Variants in DSCAM observed in about 807,000 individuals in gnomAD.
DSCAM encodes the protein DS cell adhesion molecule, also known as cell adhesion molecule DSCAM.
In DSCAM, 47 loss-of-function variants were observed where a neutral mutation model predicts 217.7. The observed-to-expected ratio is 0.22, with a 90% CI of 0.17 to 0.28. DSCAM has a LOEUF of 0.28. Among genes scored for constraint, DSCAM ranks in the 10% least tolerant of loss-of-function variants. The probability of loss-of-function intolerance (pLI) is 1.00; values close to 1 mark genes in which losing one functional copy is unlikely to be tolerated. For missense variants in DSCAM, 2,080 were observed against 2,618.3 expected (o/e 0.79, Z 4.49); for synonymous variants, 1,056 against 1,015.3 (o/e 1.04, Z -0.76).
chr21:40,461,173 A>T (rs1214443655), intron 3 of DSCAM, among the ~76,000 whole-genome samples: 1 of 152,228 alleles, frequency 6.6e-6, no homozygotes, highest in African/African-American at 2.4e-5. Flanking sequence ...ATACTTTACC[A>T]CTTCTGCAAA....
intron 3 of DSCAM, among the ~76,000 whole-genome samples, chr21:40,376,815 T>C (rs2074968610): frequency 6.6e-6 from 1 of 151,548 alleles, no homozygotes; most frequent in African/African-American, 2.4e-5. Context: ...AATATGCACA[T>C]GTTGAAAGCT....
intron 1 of DSCAM, among the ~76,000 whole-genome samples, chr21:40,807,421 T>C (rs2091797784): frequency 6.6e-6 from 1 of 152,038 alleles, no homozygotes; most frequent in Non-Finnish European, 1.5e-5. Flanking sequence ...ATCAGCCAAA[T>C]TGCAGGTTCA....
chr21:40,299,919 C>A (rs1307790142), intron 9 of DSCAM, among the ~76,000 whole-genome samples: 2 of 152,080 alleles, frequency 1.3e-5, no homozygotes, highest in Non-Finnish European at 2.9e-5. Flanking sequence ...AATCAGGAGC[C>A]CCCACAAGGA....
In DSCAM at chr21:40,052,013, C is replaced by T. The variant is rs527926618; in HGVS notation, c.5130G>A (p.Ser1710=). 2.9e-5 allele frequency: 47 copies of T among 1,613,974 alleles called. 1 individual carries two copies. Among genetic ancestry groups the T allele is most frequent in the Middle Eastern group, 3.3e-4 (2 of 6,060 alleles). ...LTVTHTVHYQ[S]VSQATGPLVD... ...CTAAGGGCCCAGTGGCCTGAGACAC[C>T]GATTGGTAATGGACCGTGTGAGTGA... Residue 1710 remains serine (S), a synonymous_variant, in exon 30 of 33, where the codon TCG becomes TCA. Coordinates refer to ENST00000400454, the MANE Select transcript of DSCAM (RefSeq NM_001389.5).
chr21:40,286,856 G>A (rs562991601), intron 10 of DSCAM, among the ~76,000 whole-genome samples: 1 of 72,892 alleles, frequency 1.4e-5, no homozygotes, highest in Non-Finnish European at 2.8e-5. Context: ...GCAGGTATCT[G>A]CAGTGTGATC....
Position 40,044,267 on chromosome 21 carries a change from T to G in DSCAM, c.5194A>C (p.Thr1732Pro). 6.2e-7 allele frequency: 1 copy of G among 1,613,774 alleles called. No homozygotes were observed. Among genetic ancestry groups the G allele is most frequent in the Non-Finnish European group, 8.5e-7 (1 of 1,179,854 alleles). ...SDARPGTNPT[T>P]RRNAKAGPTA... ...GGCCCAGCCTTGGCATTCCTCCTGGTGGTGGGATCTGTGAAGAGCCAAGAA... is the reference window on the plus strand; with the variant it reads ...GGCCCAGCCTTGGCATTCCTCCTGGGGGTGGGATCTGTGAAGAGCCAAGAA... Residue 1732 changes from threonine (T) to proline (P), a missense_variant, in exon 31 of 33, where the codon ACC becomes CCC. By Grantham distance (38) the Thr-to-Pro change is conservative. Around this residue, in one of 5 missense-constraint regions of DSCAM, gnomAD observed 1,144 missense variants for 1,421.1 expected, o/e 0.81. Transcript: ENST00000400454.
chr21:40,142,729 T>C (rs779741338), intron 17 of DSCAM, 25 bp from the exon 18 acceptor site: 6 of 1,607,246 alleles, frequency 3.7e-6, no homozygotes, highest in Admixed American at 1.7e-5. Context: ...TTAGAATCTG[T>C]AATAACTGTG....
chr21:40,495,944 A>G (rs893595228), intron 3 of DSCAM, among the ~76,000 whole-genome samples: 36 of 152,210 alleles, frequency 2.4e-4, no homozygotes, highest in African/African-American at 7.5e-4. Context: ...CTGCCAAAAA[A>G]TAGTAAAATA....
intron 3 of DSCAM, among the ~76,000 whole-genome samples, chr21:40,488,905 A>C (rs1601684195): frequency 6.6e-6 from 1 of 152,224 alleles, no homozygotes; most frequent in Non-Finnish European, 1.5e-5. Context: ...GAATTCACAG[A>C]GATTCTGCAG....
chr21:40,095,772 T>C (rs1473520281), intron 20 of DSCAM, among the ~76,000 whole-genome samples: 1 of 152,164 alleles, frequency 6.6e-6, no homozygotes, highest in Non-Finnish European at 1.5e-5. Context: ...CACCCATAAT[T>C]GGCACAGACA....
intron 9 of DSCAM, among the ~76,000 whole-genome samples, chr21:40,300,898 C>G (rs1024134650): frequency 6.6e-6 from 1 of 152,220 alleles, no homozygotes; most frequent in African/African-American, 2.4e-5. Context: ...GACCACACTT[C>G]AAGAACCACT....
intron 14 of DSCAM, among the ~76,000 whole-genome samples, chr21:40,185,265 G>A (rs1273554264): frequency 1.3e-5 from 2 of 152,218 alleles, no homozygotes; most frequent in East Asian, 1.9e-4. Context: ...TCAGGGAAGG[G>A]AGGACTCCAG....
intron 14 of DSCAM, among the ~76,000 whole-genome samples, chr21:40,180,790 C>T (rs2090790480): frequency 6.6e-6 from 1 of 151,956 alleles, no homozygotes; most frequent in African/African-American, 2.4e-5. Context: ...TGGCAGGCAG[C>T]CTGGAGAGGC....
At chr21:40,242,149 GTTT>G (rs376344223) in intron 11 of DSCAM, among the ~76,000 whole-genome samples, 32 of 143,862 alleles carry the variant, frequency 2.2e-4, no homozygotes, top group African/African-American at 7.0e-4. Context: ...GAACCTAAAA[GTTT>G]TTTTTTTTTT....
At chr21:40,160,802 A>C (rs2090532131) in intron 16 of DSCAM, among the ~76,000 whole-genome samples, 1 of 152,226 alleles carries the variant, frequency 6.6e-6, no homozygotes, top group East Asian at 1.9e-4. Context: ...TTATACAAAA[A>C]ATCAAAGTGC....
At chr21:40,567,661 C>T (rs1004126150) in intron 3 of DSCAM, among the ~76,000 whole-genome samples, 1 of 152,218 alleles carries the variant, frequency 6.6e-6, no homozygotes, top group Non-Finnish European at 1.5e-5. Flanking sequence ...AATGGACTTA[C>T]TCATCAGGCC....
chr21:40,284,430 C>T (rs2073800928), intron 10 of DSCAM, among the ~76,000 whole-genome samples: 1 of 152,184 alleles, frequency 6.6e-6, no homozygotes, highest in African/African-American at 2.4e-5. Flanking sequence ...CTAAACTCTG[C>T]CCTAAATTGC....
chr21:40,121,095 T>C (rs1218995655), intron 20 of DSCAM, among the ~76,000 whole-genome samples: 8 of 152,186 alleles, frequency 5.3e-5, no homozygotes, highest in Non-Finnish European at 1.2e-4. Flanking sequence ...AATTCAGATT[T>C]ATGAGCAAGG....
At chr21:40,038,897 C>A (rs1234752700) in intron 32 of DSCAM, among the ~76,000 whole-genome samples, 1 of 151,020 alleles carries the variant, frequency 6.6e-6, no homozygotes, top group Non-Finnish European at 1.5e-5. Context: ...AATCATCATT[C>A]TCAGTAAACT....
Sources: gnomAD v4.1 joint callset for allele counts (sites outside exome capture counted in the v4.1 genomes callset) on GRCh38, gnomAD v4.1.1 for gene constraint, gnomAD v4.1.1 regional missense constraint, MANE v1.5 for transcripts, NCBI Gene and HGNC (gene_info 2026-07-23, HGNC 2026-07-21) for gene names.